Variants in ZNG1B observed in about 807,000 individuals in gnomAD.
ZNG1B encodes the protein Zn regulated GTPase metalloprotein activator 1B.
At chr2:113,456,073 G>A in the ZNG1B span, among the ~76,000 whole-genome samples, 2 of 151,564 alleles carry the variant, frequency 1.3e-5, no homozygotes, top group Admixed American at 1.3e-4. Context: ...CTGAAATTGT[G>A]CTCTAAGGGG....
the ZNG1B span, chr2:113,460,857 T>A: frequency 2.8e-5 from 37 of 1,337,624 alleles, no homozygotes; most frequent in Non-Finnish European, 3.7e-5. Flanking sequence ...CTTAGTTGAA[T>A]TATTGCTATC....
the ZNG1B span, among the ~76,000 whole-genome samples, chr2:113,456,324 TG>T: frequency 6.6e-6 from 1 of 152,166 alleles, no homozygotes; most frequent in Admixed American, 6.5e-5. Flanking sequence ...AAAATGCTTA[TG>T]GAGGTAGCAA....
the ZNG1B span, among the ~76,000 whole-genome samples, chr2:113,472,604 T>C: frequency 6.6e-6 from 1 of 152,028 alleles, no homozygotes; most frequent in Non-Finnish European, 1.5e-5. Flanking sequence ...TCTTCTAGGG[T>C]TTTTATGGTT....
the ZNG1B span, among the ~76,000 whole-genome samples, chr2:113,487,394 C>A: frequency 1.3e-5 from 2 of 152,160 alleles, no homozygotes; most frequent in Non-Finnish European, 2.9e-5. Flanking sequence ...AAACACTTAA[C>A]ATGAGACCTA....
the ZNG1B span, among the ~76,000 whole-genome samples, chr2:113,442,915 T>A: frequency 6.6e-6 from 1 of 152,120 alleles, no homozygotes; most frequent in Non-Finnish European, 1.5e-5. Context: ...AAATATAGTT[T>A]ATTCTTTCTT....
At chr2:113,493,992 AAGGTACAGTT>A in the ZNG1B span, 1 of 1,567,282 alleles carries the variant, frequency 6.4e-7, no homozygotes, top group Non-Finnish European at 8.6e-7. Context: ...CATAAGGCTG[AAGGTACAGTT>A]TACTGTTGCA....
the ZNG1B span, among the ~76,000 whole-genome samples, chr2:113,489,068 G>T: frequency 1.3e-5 from 2 of 151,698 alleles, no homozygotes; most frequent in Non-Finnish European, 2.9e-5. Flanking sequence ...TTGTCGTCAG[G>T]TTATCTAAAG....
At chr2:113,453,706 C>T in the ZNG1B span, among the ~76,000 whole-genome samples, 2 of 149,810 alleles carry the variant, frequency 1.3e-5, no homozygotes, top group Non-Finnish European at 2.9e-5. Context: ...AGTGGTGGAA[C>T]TCGATGTCAC....
chr2:113,454,769 T>C, the ZNG1B span: 1 of 1,573,758 alleles, frequency 6.4e-7, no homozygotes, highest in Non-Finnish European at 8.7e-7. Flanking sequence ...ATTCAAAATA[T>C]GGATTAAAAG....
the ZNG1B span, among the ~76,000 whole-genome samples, chr2:113,484,685 G>A: frequency 2.6e-5 from 4 of 151,450 alleles, no homozygotes; most frequent in Admixed American, 2.0e-4. Flanking sequence ...ACGGAGTCTC[G>A]CTCCGGCTGG....
At chr2:113,458,347 A>G in the ZNG1B span, among the ~76,000 whole-genome samples, 1 of 152,138 alleles carries the variant, frequency 6.6e-6, no homozygotes, top group Non-Finnish European at 1.5e-5. Context: ...AAATGTTAAG[A>G]TGCACTTATT....
chr2:113,446,772 GCACACACACACA>G, the ZNG1B span, among the ~76,000 whole-genome samples: 2 of 143,268 alleles, frequency 1.4e-5, no homozygotes, highest in African/African-American at 2.6e-5. Context: ...ACATGCACAC[GCACACACACACA>G]CACACACATT....
chr2:113,441,768 T>G, the ZNG1B span: 3 of 200,434 alleles, frequency 1.5e-5, no homozygotes, highest in South Asian at 1.9e-4. Flanking sequence ...TGAGATGGAG[T>G]CTCTCTCTGT....
chr2:113,493,381 G>A, the ZNG1B span, among the ~76,000 whole-genome samples: 8 of 123,856 alleles, frequency 6.5e-5, 1 homozygote, highest in African/African-American at 8.7e-5. Flanking sequence ...ATAAAATGAG[G>A]TGACTCAGGC....
the ZNG1B span, chr2:113,454,769 T>G: frequency 6.4e-7 from 1 of 1,573,758 alleles, no homozygotes; most frequent in Non-Finnish European, 8.7e-7. Context: ...ATTCAAAATA[T>G]GGATTAAAAG....
the ZNG1B span, among the ~76,000 whole-genome samples, chr2:113,475,592 C>G: frequency 1.3e-5 from 2 of 151,988 alleles, no homozygotes; most frequent in South Asian, 4.2e-4. Flanking sequence ...CTTGGATGGT[C>G]TTTACATTTT....
chr2:113,485,339 CAA>C, the ZNG1B span, among the ~76,000 whole-genome samples: 3 of 135,478 alleles, frequency 2.2e-5, no homozygotes, highest in Non-Finnish European at 3.1e-5. Flanking sequence ...ATTTGCTAAA[CAA>C]AGAGAACTCA....
At chr2:113,440,138 C>T in the ZNG1B span, among the ~76,000 whole-genome samples, 2 of 151,848 alleles carry the variant, frequency 1.3e-5, no homozygotes, top group Non-Finnish European at 2.9e-5. Flanking sequence ...CCCGCCTCGG[C>T]CTCCCAAAGT....
At chr2:113,477,469 C>T in the ZNG1B span, among the ~76,000 whole-genome samples, 1,145 of 148,418 alleles carry the variant, frequency 7.7e-3, no homozygotes, top group African/African-American at 0.029. Flanking sequence ...ATGGAGAAAT[C>T]GCCTGTCTTC....
Sources: gnomAD v4.1 joint callset for allele counts (sites outside exome capture counted in the v4.1 genomes callset) on GRCh38, gnomAD v4.1.1 for gene constraint, MANE v1.5 for transcripts, NCBI Gene and HGNC (gene_info 2026-07-23, HGNC 2026-07-21) for gene names.